KCNN3: variants seen among roughly 807,000 people sequenced by gnomAD.
KCNN3 encodes the protein potassium calcium-activated channel subfamily N member 3, also known as small conductance calcium-activated potassium channel protein 3.
KCNN3 carries 16 observed loss-of-function variants against 62.9 expected under a neutral mutation model. The ratio of observed to expected loss-of-function variants is 0.25; its 90% CI spans 0.17 to 0.39. KCNN3 has a LOEUF of 0.39. Ranked by LOEUF, KCNN3 falls within the 10% of genes least tolerant of loss-of-function variation. The probability of loss-of-function intolerance (pLI) is 1.00; values close to 1 mark genes in which losing one functional copy is unlikely to be tolerated. For missense variants in KCNN3, 599 were observed against 949.4 expected (o/e 0.63, Z 4.85); for synonymous variants, 370 against 389.2 (o/e 0.95, Z 0.58).
At chr1:154,776,199 T>G (rs1335966857) in intron 2 of KCNN3, among the ~76,000 whole-genome samples, 1 of 152,190 alleles carries the variant, frequency 6.6e-6, no homozygotes, top group East Asian at 1.9e-4. Context: ...ATCCAGGTAT[T>G]AGCCATGTGA....
At chr1:154,813,134 G>A (rs1175639708) in intron 2 of KCNN3, among the ~76,000 whole-genome samples, 1 of 151,922 alleles carries the variant, frequency 6.6e-6, no homozygotes, top group African/African-American at 2.4e-5. Flanking sequence ...ACTGGCCCTG[G>A]CCTCTCGTCC....
chr1:154,867,008 C>A (rs1652982810), intron 1 of KCNN3, among the ~76,000 whole-genome samples: 1 of 152,230 alleles, frequency 6.6e-6, no homozygotes, highest in South Asian at 2.1e-4. Context: ...CAGCCACTGT[C>A]TCTGGGAATA....
At chr1:154,718,031 A>G (rs1044719806) in intron 5 of KCNN3, among the ~76,000 whole-genome samples, 1 of 150,940 alleles carries the variant, frequency 6.6e-6, no homozygotes, top group Admixed American at 6.6e-5. Context: ...CTTGGGTACC[A>G]CCTGACCTCT....
At chr1:154,715,452 G>GA (rs902848476) in intron 5 of KCNN3, among the ~76,000 whole-genome samples, 22 of 146,192 alleles carry the variant, frequency 1.5e-4, no homozygotes, top group African/African-American at 4.3e-4. Flanking sequence ...AAAAAAAAAG[G>GA]AAAAAAAAAG....
intron 1 of KCNN3, among the ~76,000 whole-genome samples, chr1:154,861,592 C>T (rs768839692): frequency 2.0e-5 from 3 of 152,146 alleles, no homozygotes; most frequent in Non-Finnish European, 2.9e-5. Context: ...CCCATCATGG[C>T]TTGTCTAGTC....
chr1:154,869,150 T>C lies in KCNN3; in HGVS notation c.815A>G (p.His272Arg), dbSNP rs1388703408. ...KNQNIGYKLG[H>R]RRALFEKRKR... ...TCTCTTTTCAAACAGGGCCCTCCTG[T>C]GTCCCAGCTTATAGCCAATGTTTTG... Residue 272 changes from histidine to arginine, a missense_variant, in exon 1 of 8, where the codon CAC (histidine) becomes CGC (arginine). This residue lies in a region of KCNN3 where 288 missense variants were observed against 557.4 expected (regional missense o/e 0.52). Coordinates refer to ENST00000271915, the MANE Select transcript of KCNN3 (RefSeq NM_002249.6). This position sits in a 1 kb window ranked among gnomAD's most constrained non-coding sequence, Gnocchi z 6.1. 1 of 1,614,154 alleles carries C rather than the reference T, an allele frequency of 6.2e-7. No individual in the cohort carries two copies. The highest frequency in any genetic ancestry group is 1.1e-5 in the South Asian group (1 of 91,086).
At chr1:154,765,039 G>T (rs1444476559) in intron 3 of KCNN3, among the ~76,000 whole-genome samples, 2 of 152,128 alleles carry the variant, frequency 1.3e-5, no homozygotes, top group East Asian at 3.8e-4. Flanking sequence ...GGTTCCTGAG[G>T]GAGAGTCAGC....
chr1:154,796,251 T>G (rs1649731057), intron 2 of KCNN3, among the ~76,000 whole-genome samples: 1 of 152,330 alleles, frequency 6.6e-6, no homozygotes, highest in East Asian at 1.9e-4. Flanking sequence ...CAGGTCCACA[T>G]TTCTCCAAGA....
chr1:154,746,977 G>A (rs1045168748), intron 3 of KCNN3, among the ~76,000 whole-genome samples: 12 of 152,078 alleles, frequency 7.9e-5, no homozygotes, highest in East Asian at 1.9e-4. Context: ...AAGCTCAACC[G>A]ATCCCCAACT....
At chr1:154,787,496 G>A (rs1312895280) in intron 2 of KCNN3, among the ~76,000 whole-genome samples, 1 of 152,228 alleles carries the variant, frequency 6.6e-6, no homozygotes, top group Non-Finnish European at 1.5e-5. Flanking sequence ...TGAACCAGGA[G>A]CTTAGAACTG....
intron 1 of KCNN3, among the ~76,000 whole-genome samples, chr1:154,854,123 T>C (rs981856770): frequency 6.6e-6 from 1 of 151,770 alleles, no homozygotes; most frequent in African/African-American, 2.4e-5. Flanking sequence ...TGGTCCCAGC[T>C]ACTCGGGAGG....
chr1:154,725,307 T>C (rs964603722), intron 5 of KCNN3, among the ~76,000 whole-genome samples: 1 of 152,194 alleles, frequency 6.6e-6, no homozygotes, highest in Non-Finnish European at 1.5e-5. Context: ...CATTGCCTCA[T>C]ACCGTGATTT....
chr1:154,814,386 C>T (rs1650568703), intron 2 of KCNN3, among the ~76,000 whole-genome samples: 1 of 152,188 alleles, frequency 6.6e-6, no homozygotes, highest in Non-Finnish European at 1.5e-5. Flanking sequence ...CCATGGAGCC[C>T]ACAGTCAGAG....
intron 1 of KCNN3, among the ~76,000 whole-genome samples, chr1:154,838,645 G>C (rs771720771): frequency 6.6e-6 from 1 of 152,100 alleles, no homozygotes; most frequent in Non-Finnish European, 1.5e-5. Flanking sequence ...GACCGGCTCC[G>C]TTCTCGCCAC....
At position 154,778,461 on chromosome 1, in the gene KCNN3, G is replaced by A. The variant is rs74115863; in HGVS notation, c.1030-6068C>T. On this transcript the variant is annotated intron_variant, in intron 2 of 7. Coordinates refer to ENST00000271915, the MANE Select transcript of KCNN3 (RefSeq NM_002249.6). Reference sequence around the variant, plus strand: ...GTTACATAGGGCTTCAGCAGCGCCCGGAAGGCATGCATCAGACACACCAGA... The same window carrying A: ...GTTACATAGGGCTTCAGCAGCGCCCAGAAGGCATGCATCAGACACACCAGA... Among the ~76,000 whole-genome samples the A allele has an allele frequency of 4.1e-3, 624 of 152,164 alleles. 4 individuals are homozygous for A. Among genetic ancestry groups the A allele is most frequent in the African/African-American group, 0.014 (596 of 41,496 alleles).
chr1:154,752,792 C>A (rs1489296235), intron 3 of KCNN3, among the ~76,000 whole-genome samples: 1 of 152,180 alleles, frequency 6.6e-6, no homozygotes, highest in African/African-American at 2.4e-5. Flanking sequence ...GGAGTTACCC[C>A]ACTGCTCTTG....
At chr1:154,736,315 T>C (rs1038151462) in intron 3 of KCNN3, among the ~76,000 whole-genome samples, 3 of 152,156 alleles carry the variant, frequency 2.0e-5, no homozygotes. Flanking sequence ...TGAGAAACAA[T>C]AGACAGAAAA....
intron 5 of KCNN3, among the ~76,000 whole-genome samples, chr1:154,716,400 G>A (rs915667823): frequency 2.0e-5 from 3 of 152,270 alleles, no homozygotes; most frequent in African/African-American, 7.2e-5. Flanking sequence ...TTACTAGCCA[G>A]AAAGGATTTT....
intron 2 of KCNN3, among the ~76,000 whole-genome samples, chr1:154,813,619 A>G (rs1011221222): frequency 6.6e-6 from 1 of 152,130 alleles, no homozygotes; most frequent in Non-Finnish European, 1.5e-5. Flanking sequence ...ACTTGGCAAG[A>G]GGCGTTTGCC....
Sources: allele counts gnomAD v4.1 joint callset (sites outside exome capture counted in the v4.1 genomes callset), GRCh38; gene constraint gnomAD v4.1.1; regional missense constraint gnomAD v4.1.1; non-coding constraint Gnocchi (gnomAD v3.1); transcripts MANE v1.5; gene names NCBI Gene and HGNC (gene_info 2026-07-23, HGNC 2026-07-21).